Variants in NKD1 observed in about 807,000 individuals in gnomAD.
NKD1 encodes NKD inhibitor of Wnt signaling pathway 1.
NKD1 carries 21 observed loss-of-function variants against 56.0 expected under a neutral mutation model. The ratio of observed to expected loss-of-function variants is 0.38; its 90% CI spans 0.27 to 0.54. The LOEUF (loss-of-function observed/expected upper bound fraction) is 0.54. Ranked by LOEUF, NKD1 falls within the 20% of genes least tolerant of loss-of-function variation. The pLI is 0.82. For synonymous variants in NKD1, 263 were observed against 265.7 expected (o/e 0.99, Z 0.10); for missense variants, 578 against 642.7 (o/e 0.90, Z 1.09).
chr16:50,603,267 G>A (rs904595780), intron 3 of NKD1, among the ~76,000 whole-genome samples: 3 of 152,246 alleles, frequency 2.0e-5, no homozygotes, highest in African/African-American at 7.2e-5. Context: ...CTGCCAGGTC[G>A]ATCTGGACGC....
At position 50,605,812 on chromosome 16, in the gene NKD1, C is replaced by G. The variant is rs538374445; in HGVS notation, c.193-2482C>G. Among the ~76,000 whole-genome samples, 94 of 152,286 alleles carry G rather than the reference C, an allele frequency of 6.2e-4. 1 individual carries two copies. Among genetic ancestry groups the G allele is most frequent in the African/African-American group, 2.2e-3 (91 of 41,550 alleles). ...GGAATGACTATAAAGTGCCTAGCAT[C>G]GTGCCTGACACATGGAAAATGCACA... On this transcript the variant is annotated intron_variant, in intron 3 of 9. Transcript: ENST00000268459.
At chr16:50,612,203 G>A (rs1596742391) in intron 4 of NKD1, among the ~76,000 whole-genome samples, 2 of 152,202 alleles carry the variant, frequency 1.3e-5, no homozygotes, top group South Asian at 4.1e-4. Context: ...CCCTCCCTCC[G>A]GCCTCTCAGG....
At position 50,623,725 on chromosome 16, in the gene NKD1, C is replaced by CTG. The variant is rs71928407; in HGVS notation, c.367-1722_367-1721dup. 0.08 allele frequency among the ~76,000 whole-genome samples: 11,383 copies of CTG among 141,534 alleles called. 529 individuals carry two copies. Among genetic ancestry groups the CTG allele is most frequent in the African/African-American group, 0.14 (5,379 of 38,074 alleles). 92.9% of individuals were successfully genotyped at this position (141,534 alleles called of 152,430 possible). A position where few individuals can be genotyped will look rare whatever the true frequency, so the allele number is the denominator to read the frequency against. On this transcript the variant is annotated intron_variant, in intron 5 of 9. Coordinates refer to ENST00000268459, the MANE Select transcript of NKD1 (RefSeq NM_033119.5). The surrounding 1 kb of genome is among the most constrained non-coding windows in gnomAD (Gnocchi z 4.1). ...AAGCTGTCTTGGAAACAGGTAAGTG[C>CTG]TGTGTGTGTGTGTGTGTGTGTGTGT...
chr16:50,549,530 C>A lies in NKD1; in HGVS notation c.167C>A (p.Ala56Glu), dbSNP rs201789166. ...TCGGGACCCCGACAGCTGCGGTTGG[C>A]GGGCACCATAGGCCGAAGCACCCGG... is the stretch of plus-strand genomic sequence containing the variant. ...GVSGPRQLRLAGTIGRSTREL... is the reference protein window; with the variant it reads ...GVSGPRQLRLEGTIGRSTREL... Residue 56 changes from alanine (A) to glutamate (E), a missense_variant, in exon 3 of 10, where the codon GCG (alanine) becomes GAG (glutamate). Transcript: ENST00000268459. The A allele has an allele frequency of 6.2e-6, 10 of 1,604,906 alleles. No homozygotes were observed. The highest frequency in any genetic ancestry group is 8.5e-6 in the Non-Finnish European group (10 of 1,175,562).
At chr16:50,588,753 G>A (rs1293504954) in intron 3 of NKD1, among the ~76,000 whole-genome samples, 1 of 151,606 alleles carries the variant, frequency 6.6e-6, no homozygotes, top group Admixed American at 6.6e-5. Context: ...ACCAGCGCCC[G>A]CCATCATGCC....
At chr16:50,581,196 A>G (rs1363051612) in intron 3 of NKD1, among the ~76,000 whole-genome samples, 1 of 152,212 alleles carries the variant, frequency 6.6e-6, no homozygotes, top group East Asian at 1.9e-4. Flanking sequence ...TAAATATATT[A>G]TCCCACTGGA....
At chr16:50,597,194 T>A (rs1403269949) in intron 3 of NKD1, among the ~76,000 whole-genome samples, 2 of 151,822 alleles carry the variant, frequency 1.3e-5, no homozygotes, top group African/African-American at 4.8e-5. Context: ...GGTTTCAGGG[T>A]GTGTTTTGAG....
intron 5 of NKD1, 55 bp from the exon 6 acceptor site, chr16:50,625,430 C>T (rs1962187372): frequency 8.0e-7 from 1 of 1,252,848 alleles, no homozygotes; most frequent in Non-Finnish European, 1.2e-6. Flanking sequence ...CTTCCACTAC[C>T]CAGTCAGTGT....
At chr16:50,611,124 C>T (rs935214868) in intron 4 of NKD1, among the ~76,000 whole-genome samples, 2 of 152,222 alleles carry the variant, frequency 1.3e-5, no homozygotes, top group Non-Finnish European at 2.9e-5. Context: ...GGCCAGGCCA[C>T]GTTCCCCTGC....
chr16:50,636,642 A>C lies in NKD1; in HGVS notation c.*2861A>C, dbSNP rs940166197. The C allele has an allele frequency of 6.6e-6, 1 of 152,188 alleles. No homozygotes were observed. Among genetic ancestry groups the C allele is most frequent in the African/African-American group, 2.4e-5 (1 of 41,440 alleles). The allele number at this position is 152,188 out of a possible 1,614,324, so 9.4% of individuals were successfully genotyped here. A position where few individuals can be genotyped will look rare whatever the true frequency, so the allele number is the denominator to read the frequency against. On this transcript the variant is annotated 3_prime_UTR_variant, in exon 10 of 10. Coordinates refer to ENST00000268459, the MANE Select transcript of NKD1 (RefSeq NM_033119.5). ...ACTGTGCCTCAGTTTCTCCTTTATA[A>C]AGGCAGGGATCATGAGAGTGCCTGT...
At position 50,589,049 on chromosome 16, in the gene NKD1, A is replaced by C. The variant is rs75937891; in HGVS notation, c.193-19245A>C. Among the ~76,000 whole-genome samples the C allele has an allele frequency of 3.5e-3, 534 of 152,266 alleles. 7 individuals are homozygous for C. Among genetic ancestry groups the C allele is most frequent in the African/African-American group, 0.012 (503 of 41,554 alleles). ...GCATCTGGCACATGGTCAGTGCGGC[A>C]CACCATTTGGTCTTCCTATTTTGCT... On this transcript the variant is annotated intron_variant, in intron 3 of 9. Coordinates refer to ENST00000268459, the MANE Select transcript of NKD1 (RefSeq NM_033119.5).
chr16:50,566,214 T>C, intron 3 of NKD1: 7 of 984,088 alleles, frequency 7.1e-6, no homozygotes, highest in Non-Finnish European at 8.4e-6. Flanking sequence ...TACAGTCAAG[T>C]TCTTGGCTTG....
intron 6 of NKD1, 60 bp downstream of exon 6, chr16:50,625,640 A>C (rs2151279793): frequency 9.4e-7 from 1 of 1,067,048 alleles, no homozygotes; most frequent in Admixed American, 1.8e-5. Flanking sequence ...GGGCCTGGGC[A>C]CAGCACCCTG....
At chr16:50,548,619 CCG>C in intron 1 of NKD1, 41 bp downstream of exon 1, 1 of 1,445,428 alleles carries the variant, frequency 6.9e-7, no homozygotes, top group Non-Finnish European at 9.0e-7. Flanking sequence ...GGCCCCGCCG[CCG>C]TCGCCGCCGC....
intron 3 of NKD1, among the ~76,000 whole-genome samples, chr16:50,563,740 C>T (rs1326846948): frequency 4.3e-5 from 6 of 139,786 alleles, no homozygotes; most frequent in Non-Finnish European, 9.2e-5. Flanking sequence ...ATGGAGAAGA[C>T]CCTGTGTGTC....
At chr16:50,626,047 G>A (rs1962206133) in intron 6 of NKD1, among the ~76,000 whole-genome samples, 1 of 152,232 alleles carries the variant, frequency 6.6e-6, no homozygotes, top group Admixed American at 6.5e-5. Flanking sequence ...TTGTTTTGAG[G>A]CTACAGGAAT....
rs1014202104 is a variant in NKD1, at chr16:50,623,747, G to T, written c.367-1738G>T. On this transcript the variant is annotated intron_variant, in intron 5 of 9. Coordinates refer to ENST00000268459, the MANE Select transcript of NKD1 (RefSeq NM_033119.5). This position sits in a 1 kb window ranked among gnomAD's most constrained non-coding sequence, Gnocchi z 4.1. ...GTGCTGTGTGTGTGTGTGTGTGTGT[G>T]TGTGTGTGTGTGTGTGTACACAGGT... Among the ~76,000 whole-genome samples, 1 of 151,932 alleles carries T rather than the reference G, an allele frequency of 6.6e-6. No homozygotes were observed. The highest frequency in any genetic ancestry group is 1.5e-5 in the Non-Finnish European group (1 of 67,980).
intron 3 of NKD1, among the ~76,000 whole-genome samples, chr16:50,584,409 A>G (rs548890228): frequency 2.6e-5 from 4 of 152,242 alleles, no homozygotes; most frequent in Non-Finnish European, 4.4e-5. Flanking sequence ...GCATGAACAA[A>G]TTAGTACATG....
At chr16:50,569,262 C>T (rs963218574) in intron 3 of NKD1, among the ~76,000 whole-genome samples, 40 of 152,340 alleles carry the variant, frequency 2.6e-4, no homozygotes, top group African/African-American at 8.4e-4. Context: ...CATGCTACAG[C>T]GTTTTAGCGC....
Sources: gnomAD v4.1 joint callset for allele counts (sites outside exome capture counted in the v4.1 genomes callset) on GRCh38, gnomAD v4.1.1 for gene constraint, Gnocchi (gnomAD v3.1) non-coding constraint, MANE v1.5 for transcripts, NCBI Gene and HGNC (gene_info 2026-07-23, HGNC 2026-07-21) for gene names.